The following SMOC1 variants were observed in gnomAD, a reference collection of about 807,000 sequenced individuals.
The protein encoded by SMOC1 is SPARC-related modular calcium-binding protein 1.
Under a neutral mutation model 56.3 loss-of-function variants are expected in SMOC1, and 22 were observed. The ratio of observed to expected loss-of-function variants is 0.39; its 90% CI spans 0.28 to 0.56. The LOEUF is 0.56. SMOC1 is among the 20% of genes least tolerant of loss of function. SMOC1 has a pLI of 0.61. For synonymous variants in SMOC1, 193 were observed against 215.0 expected (o/e 0.90, Z 0.89); for missense variants, 509 against 565.4 (o/e 0.90, Z 1.01).
chr14:69,995,037 T>C (rs911923835), intron 7 of SMOC1, among the ~76,000 whole-genome samples: 2 of 152,206 alleles, frequency 1.3e-5, no homozygotes, highest in Non-Finnish European at 2.9e-5. Flanking sequence ...CTATTTACTA[T>C]CAATAAAGAC....
chr14:69,882,502 A>G (rs1452864640), intron 1 of SMOC1, among the ~76,000 whole-genome samples: 1 of 152,116 alleles, frequency 6.6e-6, no homozygotes, highest in Non-Finnish European at 1.5e-5. Flanking sequence ...ATCAGATTGG[A>G]GGCTATTATG....
Position 70,023,341 on chromosome 14 carries a change from C to T in SMOC1, c.1185C>T (p.Ala395=). ...TCAAGCGCTACGTGAAGAAGAAAGC[C>T]AAGCCCAAGAAATGTGCCCGGCGTT... ...KPFKRYVKKK[A]KPKKCARRFT... The change falls in exon 11 of 12, where the codon GCC becomes GCT. Residue 395 remains alanine (A), a synonymous_variant. Coordinates refer to ENST00000361956, the MANE Select transcript of SMOC1 (RefSeq NM_001034852.3). 6.2e-7 allele frequency: 1 copy of T among 1,614,138 alleles called. No individual in the cohort carries two copies. Among genetic ancestry groups the T allele is most frequent in the Non-Finnish European group, 8.5e-7 (1 of 1,180,030 alleles).
chr14:69,915,018 C>T (rs1430485420), intron 1 of SMOC1, among the ~76,000 whole-genome samples: 1 of 152,108 alleles, frequency 6.6e-6, no homozygotes, highest in African/African-American at 2.4e-5. Flanking sequence ...AGCCGCCCAC[C>T]ACCACGCCCG....
intron 5 of SMOC1, chr14:69,978,216 T>C (rs186646757): frequency 1.3e-5 from 7 of 544,264 alleles, no homozygotes; most frequent in Admixed American, 3.1e-5. Context: ...GAAGCACCTT[T>C]AGAATGTGAG....
At chr14:69,997,886 G>A (rs76551653) in intron 7 of SMOC1, among the ~76,000 whole-genome samples, 15,042 of 152,098 alleles carry the variant, frequency 0.099, 926 homozygotes, top group Non-Finnish European at 0.13. Context: ...GTTGCCATGG[G>A]ACTCCGTGAA....
At chr14:69,883,347 T>C (rs887466749) in intron 1 of SMOC1, among the ~76,000 whole-genome samples, 3 of 152,158 alleles carry the variant, frequency 2.0e-5, no homozygotes, top group African/African-American at 4.8e-5. Context: ...ATGAGACCAA[T>C]TTTTTTAGAT....
At chr14:69,920,287 C>G (rs1203430679) in intron 1 of SMOC1, among the ~76,000 whole-genome samples, 1 of 152,138 alleles carries the variant, frequency 6.6e-6, no homozygotes, top group Non-Finnish European at 1.5e-5. Context: ...AAATGTGATC[C>G]TAGATATGAT....
chr14:69,993,431 A>G (rs1884637080), intron 6 of SMOC1, among the ~76,000 whole-genome samples: 1 of 152,140 alleles, frequency 6.6e-6, no homozygotes, highest in Non-Finnish European at 1.5e-5. Flanking sequence ...AAGTATGACA[A>G]TAAGGTTGGG....
intron 1 of SMOC1, among the ~76,000 whole-genome samples, chr14:69,912,232 A>G (rs923159339): frequency 3.9e-5 from 6 of 152,190 alleles, no homozygotes; most frequent in Non-Finnish European, 7.3e-5. Flanking sequence ...ATGCTCAACC[A>G]TAGATGAGGC....
intron 5 of SMOC1, among the ~76,000 whole-genome samples, chr14:69,979,874 C>G (rs574637029): frequency 1.1e-4 from 17 of 152,300 alleles, no homozygotes; most frequent in Admixed American, 2.0e-4. Flanking sequence ...CCAGATTCCC[C>G]TCCTCCAAAG....
intron 1 of SMOC1, among the ~76,000 whole-genome samples, chr14:69,910,598 A>AT (rs35582659): frequency 0.081 from 12,006 of 148,716 alleles, 510 homozygotes; most frequent in Middle Eastern, 0.21. Flanking sequence ...TGTTTGAAGG[A>AT]TTTTTTTTTT....
At chr14:69,965,399 A>AATAATAATAATAATAATAATAATC (rs1212605422) in intron 3 of SMOC1, among the ~76,000 whole-genome samples, 299 of 150,946 alleles carry the variant, frequency 2.0e-3, no homozygotes, top group African/African-American at 7.0e-3. Context: ...TAATAATAAT[A>AATAATAATAATAATAATAATAATC]ATAATAAAAA....
Position 69,976,423 on chromosome 14 carries a change from C to T in SMOC1, c.478+609C>T, listed in dbSNP as rs144515976. On this transcript the variant is annotated intron_variant, in intron 4 of 11. Coordinates refer to ENST00000361956, the MANE Select transcript of SMOC1 (RefSeq NM_001034852.3). ...TGATCCAGGAGGCCTGGAGGGAGAC[C>T]TGAGGTCTTTGTTTTTATGAAGTCT... Among the ~76,000 whole-genome samples the T allele has an allele frequency of 2.6e-5, 4 of 152,274 alleles. No homozygotes were observed. In the East Asian group the frequency reaches 7.7e-4, roughly 29 times the overall value.
intron 1 of SMOC1, chr14:69,885,663 C>G: frequency 6.9e-7 from 1 of 1,447,514 alleles, no homozygotes; most frequent in Non-Finnish European, 9.7e-7. Context: ...GGATCCATGT[C>G]GTGTGAAATC....
At chr14:69,942,859 C>T (rs543439514) in intron 1 of SMOC1, among the ~76,000 whole-genome samples, 8 of 152,258 alleles carry the variant, frequency 5.3e-5, no homozygotes, top group Non-Finnish European at 1.0e-4. Context: ...GCCCCGTTTG[C>T]GTTCTTATTA....
In SMOC1 at chr14:70,031,416, G is replaced by A. The variant is rs1454817446; in HGVS notation, c.*1158G>A. ...TAGTGGCTATCACAGGCCTGGGTGG[G>A]TGGGTTGGGGGAGGTGTCAGTCACC... On this transcript the variant is annotated 3_prime_UTR_variant, in exon 12 of 12. Transcript: ENST00000361956. 1 of 147,570 alleles carries A rather than the reference G, an allele frequency of 6.8e-6. No individual in the cohort carries two copies. The highest frequency in any genetic ancestry group is 2.2e-4 in the South Asian group (1 of 4,570). 9.1% of individuals were successfully genotyped at this position (147,570 alleles called of 1,614,324 possible). A position where few individuals can be genotyped will look rare whatever the true frequency, so the allele number is the denominator to read the frequency against.
At position 69,953,079 on chromosome 14, in the gene SMOC1, G is replaced by A. The variant is rs534407586; in HGVS notation, c.266-341G>A. ...AATGGTTGCAATTCTTGAACCATAAGACATGGTTGAGCCCCTGTTAGGCTT... is the reference window on the plus strand; with the variant it reads ...AATGGTTGCAATTCTTGAACCATAAAACATGGTTGAGCCCCTGTTAGGCTT... On this transcript the variant is annotated intron_variant, in intron 2 of 11. Coordinates refer to ENST00000361956, the MANE Select transcript of SMOC1 (RefSeq NM_001034852.3). 3.9e-5 allele frequency among the ~76,000 whole-genome samples: 6 copies of A among 152,318 alleles called. No homozygotes were observed. The South Asian group carries it at 1.0e-3, about 26-fold the overall frequency.
At chr14:69,880,341 A>G (rs2139277121) in intron 1 of SMOC1, among the ~76,000 whole-genome samples, 1 of 152,154 alleles carries the variant, frequency 6.6e-6, no homozygotes, top group East Asian at 1.9e-4. Flanking sequence ...GAAGAGGGTC[A>G]GAGGTGGGGT....
At chr14:69,926,409 G>A (rs559791020) in intron 1 of SMOC1, among the ~76,000 whole-genome samples, 10 of 152,226 alleles carry the variant, frequency 6.6e-5, no homozygotes. Context: ...TTAGGCCATG[G>A]GGCGGGACAG....
Sources: gnomAD v4.1 joint callset for allele counts (sites outside exome capture counted in the v4.1 genomes callset) on GRCh38, gnomAD v4.1.1 for gene constraint, MANE v1.5 for transcripts, NCBI Gene and HGNC (gene_info 2026-07-23, HGNC 2026-07-21) for gene names.